GRXCR2: variants seen among roughly 807,000 people sequenced by gnomAD.
GRXCR2 encodes the protein glutaredoxin domain-containing cysteine-rich protein 2.
GRXCR2 carries 23 observed loss-of-function variants against 24.8 expected under a neutral mutation model. The observed-to-expected ratio is 0.93, with a 90% CI of 0.67 to 1.32. GRXCR2 has a LOEUF of 1.32. Ranked by LOEUF, GRXCR2 falls within the 40% of genes most tolerant of loss-of-function variation. The probability of loss-of-function intolerance (pLI) is 0.00; values close to 1 mark genes in which losing one functional copy is unlikely to be tolerated. For missense variants in GRXCR2, 315 were observed against 303.4 expected (o/e 1.04, Z -0.28); for synonymous variants, 130 against 116.1 (o/e 1.12, Z -0.77).
At chr5:145,900,272 C>G (rs563014202) in intron 2 of GRXCR2, among the ~76,000 whole-genome samples, 9 of 151,990 alleles carry the variant, frequency 5.9e-5, no homozygotes, top group African/African-American at 2.2e-4. Flanking sequence ...TGTAGCACTT[C>G]CCCCTTCACT....
chr5:145,877,236 A>G (rs1370673700), upstream of GRXCR2, among the ~76,000 whole-genome samples: 2 of 152,164 alleles, frequency 1.3e-5, no homozygotes, highest in Admixed American at 6.5e-5. Flanking sequence ...CAATGACACA[A>G]TATGAAAAAT....
rs187254637 is a variant in GRXCR2 at position 145,913,485 on chromosome 5, A to C, written c.-70+22216T>G. ...CAGTCACATCAATTACTATAAAATAAAGGTATTTTAATACCCCAAATTAGA... is the reference window on the plus strand; with the variant it reads ...CAGTCACATCAATTACTATAAAATACAGGTATTTTAATACCCCAAATTAGA... On this transcript the variant is annotated intron_variant, in intron 2 of 3. Transcript: ENST00000639411. Among the ~76,000 whole-genome samples the C allele has an allele frequency of 4.0e-3, 606 of 152,326 alleles. 5 individuals are homozygous for C. The highest frequency in any genetic ancestry group is 0.014 in the African/African-American group (585 of 41,568).
chr5:145,900,410 A>G (rs1288504868), intron 2 of GRXCR2, among the ~76,000 whole-genome samples: 1 of 151,854 alleles, frequency 6.6e-6, no homozygotes, highest in Non-Finnish European at 1.5e-5. Flanking sequence ...AGCCAATTAA[A>G]CCTCTTTTCT....
intron 2 of GRXCR2, among the ~76,000 whole-genome samples, chr5:145,916,067 G>T (rs1398846989): frequency 6.6e-6 from 1 of 152,188 alleles, no homozygotes; most frequent in Non-Finnish European, 1.5e-5. Flanking sequence ...GCTCTGCAGA[G>T]AATTCAAAGA....
At chr5:145,891,855 C>T (rs1348538072) in intron 2 of GRXCR2, among the ~76,000 whole-genome samples, 1 of 152,188 alleles carries the variant, frequency 6.6e-6, no homozygotes, top group Admixed American at 6.5e-5. Flanking sequence ...TCCCTGACCC[C>T]CGAGCAGCCT....
intron 2 of GRXCR2, among the ~76,000 whole-genome samples, chr5:145,882,939 A>G (rs1174204412): frequency 1.4e-5 from 2 of 147,626 alleles, no homozygotes; most frequent in African/African-American, 5.0e-5. Context: ...ACCAAACACC[A>G]TATGTTCTCA....
At chr5:145,892,936 A>G (rs1339159683) in intron 2 of GRXCR2, among the ~76,000 whole-genome samples, 3 of 152,234 alleles carry the variant, frequency 2.0e-5, no homozygotes, top group Non-Finnish European at 4.4e-5. Flanking sequence ...TAGATCTCTC[A>G]GCAGAAACTC....
At chr5:145,916,632 T>C (rs1299508859) in intron 2 of GRXCR2, among the ~76,000 whole-genome samples, 1 of 152,242 alleles carries the variant, frequency 6.6e-6, no homozygotes, top group Non-Finnish European at 1.5e-5. Context: ...AATCTCATCA[T>C]AAATTCAACC....
intron 2 of GRXCR2, among the ~76,000 whole-genome samples, chr5:145,884,486 G>A (rs1172157387): frequency 6.6e-6 from 1 of 152,086 alleles, no homozygotes; most frequent in Admixed American, 6.6e-5. Context: ...AATTATATGG[G>A]AGACTGTCCT....
upstream of GRXCR2, chr5:145,873,140 C>T: frequency 3.3e-6 from 2 of 605,294 alleles, no homozygotes; most frequent in South Asian, 2.1e-5. Context: ...ATTGATAGAC[C>T]CTCATGAAAA....
At position 145,866,399 on chromosome 5, in the gene GRXCR2, C is replaced by G. The variant is rs17423559; in HGVS notation, c.564+102G>C. On this transcript the variant is annotated intron_variant, in intron 2 of 2. Transcript: ENST00000377976. ...TTCAAGTTTAGGTATCTTAAGTATT[C>G]ATATTCAAAAGGTTTTACTTAAGCA... 0.055 allele frequency: 39,316 copies of G among 712,772 alleles called. 1,413 individuals carry two copies. Among genetic ancestry groups the G allele is most frequent in the Non-Finnish European group, 0.07 (28,704 of 410,850 alleles). The allele number at this position is 712,772 out of a possible 1,614,324, so 44.2% of individuals were successfully genotyped here. A position where few individuals can be genotyped will look rare whatever the true frequency, so the allele number is the denominator to read the frequency against.
chr5:145,911,734 T>A (rs1200252546), intron 2 of GRXCR2, among the ~76,000 whole-genome samples: 1 of 152,180 alleles, frequency 6.6e-6, no homozygotes, highest in Non-Finnish European at 1.5e-5. Flanking sequence ...ATAGAATGTA[T>A]TCTACTCCTG....
At chr5:145,893,805 T>C (rs1756906695) in intron 2 of GRXCR2, among the ~76,000 whole-genome samples, 1 of 152,126 alleles carries the variant, frequency 6.6e-6, no homozygotes, top group Admixed American at 6.6e-5. Context: ...TATAGAACTC[T>C]CCACCCCAAA....
chr5:145,895,582 A>C (rs974043005), intron 2 of GRXCR2, among the ~76,000 whole-genome samples: 1 of 152,200 alleles, frequency 6.6e-6, no homozygotes, highest in African/African-American at 2.4e-5. Flanking sequence ...AAGGGATGTG[A>C]AGGACCTCTT....
chr5:145,922,645 A>G (rs1025553801), intron 2 of GRXCR2, among the ~76,000 whole-genome samples: 1 of 152,208 alleles, frequency 6.6e-6, no homozygotes, highest in Non-Finnish European at 1.5e-5. Flanking sequence ...CTCCAGGTAT[A>G]CCATGGAAAT....
chr5:145,861,880 G>A (rs1458484041), intron 2 of GRXCR2, among the ~76,000 whole-genome samples: 1 of 152,106 alleles, frequency 6.6e-6, no homozygotes, highest in Non-Finnish European at 1.5e-5. Flanking sequence ...AATTGCCTAA[G>A]AAGATACTAA....
intron 2 of GRXCR2, among the ~76,000 whole-genome samples, chr5:145,903,194 C>G (rs1313042870): frequency 1.3e-5 from 2 of 152,138 alleles, no homozygotes; most frequent in Non-Finnish European, 2.9e-5. Context: ...TGCTTAACCT[C>G]TCTGAATCTC....
intron 2 of GRXCR2, among the ~76,000 whole-genome samples, chr5:145,919,373 T>C (rs954402645): frequency 1.3e-5 from 2 of 152,304 alleles, no homozygotes; most frequent in Admixed American, 6.5e-5. Flanking sequence ...TAATTAACCC[T>C]CACAAGAACG....
intron 1 of GRXCR2, among the ~76,000 whole-genome samples, chr5:145,868,864 T>C (rs1756477561): frequency 6.6e-6 from 1 of 152,240 alleles, no homozygotes; most frequent in African/African-American, 2.4e-5. Context: ...AAATTCTTCC[T>C]TGTGTCTAAG....
Sources: gnomAD v4.1 joint callset for allele counts (sites outside exome capture counted in the v4.1 genomes callset) on GRCh38, gnomAD v4.1.1 for gene constraint, MANE v1.5 for transcripts, NCBI Gene and HGNC (gene_info 2026-07-23, HGNC 2026-07-21) for gene names.